Variants in DNER observed in about 807,000 individuals in gnomAD.
DNER encodes the protein delta/notch like EGF repeat containing.
A neutral mutation model predicts 78.2 loss-of-function variants in DNER; 33 were observed. That is an observed-to-expected ratio of 0.42 (90% CI 0.32 to 0.56). The LOEUF (loss-of-function observed/expected upper bound fraction) is 0.56. DNER is among the 20% of genes least tolerant of loss of function. The pLI is 0.11. For missense variants in DNER, 918 were observed against 975.3 expected, an observed-to-expected ratio of 0.94 and a Z score of 0.78; for synonymous variants, 417 against 384.8, an observed-to-expected ratio of 1.08 and a Z score of -0.98.
intron 10 of DNER, among the ~76,000 whole-genome samples, chr2:229,402,712 TA>T (rs1188649005): frequency 6.6e-6 from 1 of 152,100 alleles, no homozygotes; most frequent in Non-Finnish European, 1.5e-5. Flanking sequence ...TGGTTTCAGG[TA>T]AAAAAATAAA....
chr2:229,431,406 C>G (rs1400210550), intron 8 of DNER, among the ~76,000 whole-genome samples: 1 of 152,004 alleles, frequency 6.6e-6, no homozygotes, highest in Non-Finnish European at 1.5e-5. Context: ...CCATGTTGAT[C>G]TAAACATTTC....
chr2:229,674,134 C>A (rs566174011), intron 1 of DNER, among the ~76,000 whole-genome samples: 1 of 152,354 alleles, frequency 6.6e-6, no homozygotes, highest in Admixed American at 6.5e-5. Context: ...CTGTTGGTAG[C>A]CCTGGGGTAC....
intron 3 of DNER, chr2:229,586,673 C>T: frequency 1.0e-6 from 1 of 985,552 alleles, no homozygotes; most frequent in Non-Finnish European, 1.2e-6. Context: ...TACGAGCTAC[C>T]CCAACCCAGT....
chr2:229,470,768 T>C (rs1016133931), intron 7 of DNER, among the ~76,000 whole-genome samples: 1 of 152,124 alleles, frequency 6.6e-6, no homozygotes, highest in African/African-American at 2.4e-5. Context: ...GAGAATCACT[T>C]GAATCTGGGA....
At chr2:229,536,202 G>C (rs1320621286) in intron 5 of DNER, among the ~76,000 whole-genome samples, 2 of 152,194 alleles carry the variant, frequency 1.3e-5, no homozygotes, top group African/African-American at 4.8e-5. Flanking sequence ...GCTGAGGAAG[G>C]CTGAGGAGGT....
rs763114958 is a variant in DNER, at chr2:229,447,536, G to A, written c.1266C>T (p.Tyr422=). The A allele has an allele frequency of 8.2e-5, 132 of 1,613,778 alleles. 1 individual carries two copies. Among genetic ancestry groups the A allele is most frequent in the Non-Finnish European group, 1.1e-4 (131 of 1,179,926 alleles). Residue 422 remains tyrosine (Y), a synonymous_variant, in exon 8 of 13, where the codon TAC becomes TAT. Coordinates refer to ENST00000341772, the MANE Select transcript of DNER (RefSeq NM_139072.4). The part of the protein sequence containing the change: ...SGFTCQCPEG[Y]FGSACEEKVD... ...CCTTTTCTTCACAAGCAGATCCGAAGTATCCTGTGAAAAAACACATGAGAG... is the reference window on the plus strand; with the variant it reads ...CCTTTTCTTCACAAGCAGATCCGAAATATCCTGTGAAAAAACACATGAGAG...
intron 4 of DNER, among the ~76,000 whole-genome samples, chr2:229,585,617 G>A (rs868139343): frequency 1.3e-5 from 2 of 150,908 alleles, no homozygotes; most frequent in Non-Finnish European, 1.5e-5. Context: ...CCAAGATCGC[G>A]CCAGTGCACT....
chr2:229,512,394 A>AAAAATT (rs1383150048), intron 6 of DNER, among the ~76,000 whole-genome samples: 9 of 151,726 alleles, frequency 5.9e-5, no homozygotes, highest in Admixed American at 5.3e-4. Flanking sequence ...AAAAAAAAAA[A>AAAAATT]AATTAATTAA....
chr2:229,476,997 A>G, intron 7 of DNER, 143 bp downstream of exon 7: 1 of 597,476 alleles, frequency 1.7e-6, no homozygotes, highest in Non-Finnish European at 2.8e-6. Flanking sequence ...AAGGGGGACT[A>G]TCTTCTATTT....
chr2:229,547,033 T>G lies in DNER; in HGVS notation c.907A>C (p.Lys303Gln). 6.2e-7 allele frequency: 1 copy of G among 1,614,142 alleles called. No homozygotes were observed. The highest frequency in any genetic ancestry group is 2.2e-5 in the East Asian group (1 of 44,874). The change falls in exon 5 of 13, where the codon AAG becomes CAG. Residue 303 changes from lysine to glutamine, a missense_variant. By Grantham distance (53) the Lys-to-Gln change is moderately conservative. Transcript: ENST00000341772. ...IVALRLTLVV[K>Q]VSTCVPGESH... ...TCCCCCGGCACACAGGTGCTGACCTTCACCACCAGAGTTAAGCGCAAAGCC... is the reference window on the plus strand; with the variant it reads ...TCCCCCGGCACACAGGTGCTGACCTGCACCACCAGAGTTAAGCGCAAAGCC...
intron 11 of DNER, among the ~76,000 whole-genome samples, chr2:229,385,847 C>A (rs1426989162): frequency 2.0e-5 from 3 of 152,142 alleles, no homozygotes; most frequent in African/African-American, 7.2e-5. Flanking sequence ...AAAAACATTT[C>A]ATGCTCATGG....
intron 7 of DNER, 73 bp downstream of exon 7, chr2:229,477,067 G>A: frequency 3.2e-6 from 4 of 1,257,434 alleles, no homozygotes; most frequent in Non-Finnish European, 4.5e-6. Context: ...CAGAAACAAA[G>A]TATAAGGCTG....
At chr2:229,587,026 G>T (rs971233996) in intron 3 of DNER, 14 of 982,098 alleles carry the variant, frequency 1.4e-5, no homozygotes, top group Non-Finnish European at 1.7e-5. Flanking sequence ...CTGCTAATTC[G>T]GTCCCGTTCT....
At chr2:229,494,229 T>C (rs1695458801) in intron 6 of DNER, among the ~76,000 whole-genome samples, 1 of 152,200 alleles carries the variant, frequency 6.6e-6, no homozygotes, top group African/African-American at 2.4e-5. Context: ...CATTCTAGCA[T>C]AATACCTAAT....
At chr2:229,436,528 A>T (rs917169179) in intron 8 of DNER, among the ~76,000 whole-genome samples, 2 of 152,224 alleles carry the variant, frequency 1.3e-5, no homozygotes, top group African/African-American at 4.8e-5. Context: ...GAAAGAAAAA[A>T]TGTTAAAGGC....
intron 4 of DNER, among the ~76,000 whole-genome samples, chr2:229,567,729 G>C (rs1368539692): frequency 3.3e-5 from 5 of 152,176 alleles, no homozygotes; most frequent in Non-Finnish European, 7.4e-5. Context: ...GGTTTACCAA[G>C]AAATAATGAA....
At chr2:229,684,069 T>A (rs993582638) in intron 1 of DNER, among the ~76,000 whole-genome samples, 1 of 151,542 alleles carries the variant, frequency 6.6e-6, no homozygotes, top group Non-Finnish European at 1.5e-5. Context: ...ATTTTCCAGA[T>A]GCTGCTGAGA....
At chr2:229,403,828 A>G (rs1693323305) in intron 10 of DNER, among the ~76,000 whole-genome samples, 1 of 152,048 alleles carries the variant, frequency 6.6e-6, no homozygotes. Context: ...AGAGCGTGAC[A>G]TGGTATGTTC....
chr2:229,382,306 G>C (rs1692758263), intron 11 of DNER, among the ~76,000 whole-genome samples: 2 of 152,130 alleles, frequency 1.3e-5, no homozygotes, highest in African/African-American at 4.8e-5. Context: ...ACGAAGATGA[G>C]GAAAAACCAG....
Sources: allele counts gnomAD v4.1 joint callset (sites outside exome capture counted in the v4.1 genomes callset), GRCh38; gene constraint gnomAD v4.1.1; transcripts MANE v1.5; gene names NCBI Gene and HGNC (gene_info 2026-07-23, HGNC 2026-07-21).